STAB2: variants seen among roughly 807,000 people sequenced by gnomAD.
The protein encoded by STAB2 is stabilin-2.
STAB2 carries 288 observed loss-of-function variants against 338.1 expected under a neutral mutation model. That is an observed-to-expected ratio of 0.85 (90% confidence interval 0.77 to 0.94). The LOEUF is 0.94. Among genes scored for constraint, STAB2 ranks in the 40% least tolerant of loss-of-function variants. The pLI, the probability that STAB2 is intolerant of heterozygous loss-of-function variation, is 0.00. For missense variants in STAB2, 3,141 were observed against 3,210.1 expected, an observed-to-expected ratio of 0.98 and a Z score of 0.52; for synonymous variants, 1,202 against 1,193.3, an observed-to-expected ratio of 1.01 and a Z score of -0.15.
At chr12:103,766,032 A>G (rs914949180) in intron 68 of STAB2, 1 of 643,408 alleles carries the variant, frequency 1.6e-6, no homozygotes. Context: ...TTTGTAGATG[A>G]AGAAACTGCA....
intron 47 of STAB2, among the ~76,000 whole-genome samples, chr12:103,728,509 A>G (rs1881388025): frequency 6.6e-6 from 1 of 152,236 alleles, no homozygotes; most frequent in Non-Finnish European, 1.5e-5. Context: ...GCTATATACT[A>G]TGCAGTGTTT....
At chr12:103,596,952 C>CAAAAAAAAAAAAA (rs35439238) in intron 3 of STAB2, among the ~76,000 whole-genome samples, 1 of 64,482 alleles carries the variant, frequency 1.6e-5, no homozygotes, top group Non-Finnish European at 2.8e-5. Flanking sequence ...GACCCTATCT[C>CAAAAAAAAAAAAA]AAAAAAAAAA....
At chr12:103,728,386 A>C (rs1448397284) in intron 47 of STAB2, among the ~76,000 whole-genome samples, 1 of 152,216 alleles carries the variant, frequency 6.6e-6, no homozygotes, top group East Asian at 1.9e-4. Context: ...CTGGGATTAC[A>C]GGCATGAGCC....
chr12:103,688,751 G>A (rs1877660133), intron 28 of STAB2, among the ~76,000 whole-genome samples: 1 of 152,160 alleles, frequency 6.6e-6, no homozygotes, highest in African/African-American at 2.4e-5. Context: ...CCCCATCCCA[G>A]CATAGGTGAA....
chr12:103,634,207 GTACTACAATCAAATTTACTGGC>G (rs1271404746), intron 6 of STAB2, among the ~76,000 whole-genome samples: 3 of 152,104 alleles, frequency 2.0e-5, no homozygotes, highest in Non-Finnish European at 4.4e-5. Context: ...GTGTCCCAAG[GTACTACAATCAAATTTACTGGC>G]TACTATTGGT....
chr12:103,620,399 T>C (rs1957279611), intron 3 of STAB2, 69 bp from the exon 4 acceptor site: 1 of 1,404,846 alleles, frequency 7.1e-7, no homozygotes, highest in Non-Finnish European at 9.8e-7. Context: ...AGTAGGTGTT[T>C]AAGCGCATCC....
chr12:103,759,262 C>A lies in STAB2; in HGVS notation c.7237C>A (p.Pro2413Thr). 6.2e-7 allele frequency: 1 copy of A among 1,614,076 alleles called. No individual in the cohort carries two copies. The highest frequency in any genetic ancestry group is 8.5e-7 in the Non-Finnish European group (1 of 1,179,998). ...GCTGCTCATCACTGCCAGCCAGGAC[C>A]CACTCCAACCGGTACAAAGTCTTCT... The part of the protein sequence containing the change: ...SKLLITASQD[P>T]LQPTETRFVD... The change falls in exon 65 of 69, where the codon CCA becomes ACA. Residue 2413 changes from proline to threonine, a missense_variant. By Grantham distance (38) the Pro-to-Thr change is conservative. Transcript: ENST00000388887.
At chr12:103,683,411 C>A (rs1877111410) in intron 26 of STAB2, 111 bp downstream of exon 26, 2 of 902,150 alleles carry the variant, frequency 2.2e-6, no homozygotes, top group East Asian at 2.7e-5. Context: ...CTCTTACCCC[C>A]AAAAGGGAAT....
intron 5 of STAB2, among the ~76,000 whole-genome samples, chr12:103,627,933 A>C (rs954216778): frequency 6.6e-6 from 1 of 152,160 alleles, no homozygotes; most frequent in African/African-American, 2.4e-5. Flanking sequence ...AATTACTGAC[A>C]TGTTGTATAC....
At position 103,684,978 on chromosome 12, in the gene STAB2, G is replaced by C; in HGVS notation, c.2902-11G>C. On this transcript the variant is annotated splice_polypyrimidine_tract_variant and intron_variant, in intron 26 of 68. Coordinates refer to ENST00000388887, the MANE Select transcript of STAB2 (RefSeq NM_017564.10). ...TTGGGGTAACCATTTCTTTCATCTT[G>C]GTTTTCTCAGGCAAGCTGTCAATCT... The C allele has an allele frequency of 6.2e-7, 1 of 1,613,124 alleles. No individual in the cohort carries two copies. Among genetic ancestry groups the C allele is most frequent in the South Asian group, 1.1e-5 (1 of 91,024 alleles).
intron 55 of STAB2, 41 bp from the exon 56 acceptor site, chr12:103,742,364 T>C: frequency 1.2e-6 from 2 of 1,608,032 alleles, no homozygotes; most frequent in Non-Finnish European, 1.7e-6. Flanking sequence ...CTGCTCTGGC[T>C]TTGGGAGACT....
chr12:103,708,324 A>G (rs1031448721), intron 38 of STAB2, 117 bp from the exon 39 acceptor site: 65 of 1,002,992 alleles, frequency 6.5e-5, no homozygotes, highest in Middle Eastern at 2.1e-4. Flanking sequence ...GTTAAAGACT[A>G]TGATTCCTAG....
intron 6 of STAB2, among the ~76,000 whole-genome samples, chr12:103,636,901 A>G (rs1229660198): frequency 6.6e-6 from 1 of 152,232 alleles, no homozygotes; most frequent in Non-Finnish European, 1.5e-5. Context: ...AGACAAATAA[A>G]TGTTATAAAT....
intron 47 of STAB2, 124 bp downstream of exon 47, chr12:103,727,474 C>A: frequency 9.1e-7 from 1 of 1,103,628 alleles, no homozygotes; most frequent in Non-Finnish European, 1.4e-6. Context: ...TGGAACTCAC[C>A]AGCAATAGAA....
intron 3 of STAB2, 152 bp downstream of exon 3, chr12:103,594,662 CCT>C (rs1247641588): frequency 1.6e-6 from 1 of 633,770 alleles, no homozygotes; most frequent in Non-Finnish European, 2.8e-6. Flanking sequence ...TCTTTCTTGC[CCT>C]GTTAGCTTTC....
chr12:103,740,651 T>C lies in STAB2; in HGVS notation c.5776T>C (p.Tyr1926His), dbSNP rs1369370667. The C allele has an allele frequency of 1.9e-6, 3 of 1,612,460 alleles. No individual in the cohort carries two copies. Among genetic ancestry groups the C allele is most frequent in the Non-Finnish European group, 2.5e-6 (3 of 1,179,364 alleles). ...TTAGGGTGTGAAGCAGAAGTGTCTC[T>C]ACAACCTGCCCTTCAAGAGGAACCT... ...KPKGVKQKCL[Y>H]NLPFKRNLEG... Residue 1926 changes from tyrosine (Y) to histidine (H), a missense_variant, in exon 55 of 69, where the codon TAC becomes CAC. Coordinates refer to ENST00000388887, the MANE Select transcript of STAB2 (RefSeq NM_017564.10).
intron 17 of STAB2, among the ~76,000 whole-genome samples, chr12:103,662,047 A>G (rs1874669331): frequency 6.6e-6 from 1 of 152,178 alleles, no homozygotes; most frequent in South Asian, 2.1e-4. Context: ...TTTGATTGCA[A>G]TAATCTGGAG....
chr12:103,691,778 T>A (rs1367227491), intron 30 of STAB2, among the ~76,000 whole-genome samples: 1 of 152,150 alleles, frequency 6.6e-6, no homozygotes, highest in Non-Finnish European at 1.5e-5. Context: ...TTTCTTCAGG[T>A]CCTCTGCAGA....
intron 33 of STAB2, among the ~76,000 whole-genome samples, chr12:103,696,070 C>T (rs1234753744): frequency 6.6e-6 from 1 of 152,106 alleles, no homozygotes; most frequent in Non-Finnish European, 1.5e-5. Context: ...CCTGTATACA[C>T]AAGGATGCAG....
Sources: gnomAD v4.1 joint callset for allele counts (sites outside exome capture counted in the v4.1 genomes callset) on GRCh38, gnomAD v4.1.1 for gene constraint, MANE v1.5 for transcripts, NCBI Gene and HGNC (gene_info 2026-07-23, HGNC 2026-07-21) for gene names.